Variants in SAMD4B observed in about 807,000 individuals in gnomAD.
SAMD4B encodes sterile alpha motif domain containing 4B.
In SAMD4B, 5 loss-of-function variants were observed where a neutral mutation model predicts 74.5. That is an observed-to-expected ratio of 0.07 (90% CI 0.04 to 0.14). SAMD4B has a LOEUF of 0.14. Ranked by LOEUF, SAMD4B falls within the 10% of genes least tolerant of loss-of-function variation. The pLI, the probability that SAMD4B is intolerant of heterozygous loss-of-function variation, is 1.00. For missense variants in SAMD4B, 608 were observed against 921.8 expected, an observed-to-expected ratio of 0.66 and a Z score of 4.41; for synonymous variants, 373 against 374.9, an observed-to-expected ratio of 1.00 and a Z score of 0.06.
intron 3 of SAMD4B, among the ~76,000 whole-genome samples, chr19:39,367,937 G>A (rs1374704993): frequency 1.3e-5 from 2 of 151,798 alleles, no homozygotes; most frequent in African/African-American, 4.8e-5. Context: ...ACCTGAGGCC[G>A]GGCGCAGTGG....
intron 12 of SAMD4B, 51 bp downstream of exon 12, chr19:39,381,164 C>CT: frequency 6.5e-7 from 1 of 1,528,542 alleles, no homozygotes; most frequent in Non-Finnish European, 8.8e-7. Flanking sequence ...CTCAGCTGAC[C>CT]TTTCTTTTTT....
At chr19:39,376,949 AAAAGG>A (rs2077635126) in intron 7 of SAMD4B, among the ~76,000 whole-genome samples, 158 bp downstream of exon 7, 3 of 152,210 alleles carry the variant, frequency 2.0e-5, no homozygotes, top group Non-Finnish European at 4.4e-5. Context: ...AGCCGGCATC[AAAAGG>A]CTCACTTGCT....
intron 1 of SAMD4B, among the ~76,000 whole-genome samples, chr19:39,353,182 G>GT (rs2076149858): frequency 6.6e-6 from 1 of 152,300 alleles, no homozygotes; most frequent in African/African-American, 2.4e-5. Flanking sequence ...TTTTAGGCGC[G>GT]TGAGCTACCA....
In SAMD4B at chr19:39,381,202, C is replaced by T. The variant is rs1600590520; in HGVS notation, c.1972+89C>T. 1.2e-5 allele frequency: 18 copies of T among 1,450,338 alleles called. No homozygotes were observed. In the East Asian group the frequency reaches 4.2e-4, roughly 34 times the overall value. 89.8% of individuals were successfully genotyped at this position (1,450,338 alleles called of 1,614,324 possible). A position where few individuals can be genotyped will look rare whatever the true frequency, so the allele number is the denominator to read the frequency against. On this transcript the variant is annotated intron_variant, in intron 12 of 13. Transcript: ENST00000610417. ...CCTGGGTCTCATGTCCACTGTTCTT[C>T]TAGACTGCATTGGCACCTCTCCCCA...
At chr19:39,342,671 CCT>C (rs1488553682) in intron 1 of SAMD4B, 95 bp downstream of exon 1, 2 of 148,450 alleles carry the variant, frequency 1.3e-5, no homozygotes, top group Admixed American at 1.3e-4. Flanking sequence ...GGCCCCGCCC[CCT>C]CAGGGACCCC....
At chr19:39,379,846 C>A in intron 9 of SAMD4B, 120 bp from the exon 10 acceptor site, 1 of 806,554 alleles carries the variant, frequency 1.2e-6, no homozygotes, top group Non-Finnish European at 2.0e-6. Flanking sequence ...GCTGGGATTA[C>A]AGCTTGAGCC....
downstream of SAMD4B, chr19:39,389,570 G>A: frequency 3.1e-6 from 5 of 1,614,158 alleles, no homozygotes; most frequent in Non-Finnish European, 3.4e-6. The surrounding 1 kb of genome is among the most constrained non-coding windows in gnomAD (Gnocchi z 5.3). Context: ...GGGGGCAGGA[G>A]GACCATGAGG....
At position 39,384,767 on chromosome 19, in the gene SAMD4B, G is replaced by C. The variant is rs911697207; in HGVS notation, c.*1240G>C. The C allele has an allele frequency of 6.6e-6, 1 of 152,242 alleles. No homozygotes were observed. The highest frequency in any genetic ancestry group is 1.5e-5 in the Non-Finnish European group (1 of 67,988). The allele number at this position is 152,242 out of a possible 1,614,324, so 9.4% of individuals were successfully genotyped here. Reference sequence around the variant, plus strand: ...CCCCCTCAACCCACCTTCCCAACTGGGACATTCTCAAGCTTTTCACACCGA... The same window carrying C: ...CCCCCTCAACCCACCTTCCCAACTGCGACATTCTCAAGCTTTTCACACCGA... On this transcript the variant is annotated 3_prime_UTR_variant, in exon 14 of 14. Transcript: ENST00000610417.
chr19:39,347,879 T>G (rs905939780), intron 1 of SAMD4B, among the ~76,000 whole-genome samples: 5 of 152,186 alleles, frequency 3.3e-5, no homozygotes, highest in Non-Finnish European at 7.3e-5. Flanking sequence ...GACAGAGCAG[T>G]GAATAAAACA....
At chr19:39,385,705 G>A, downstream of SAMD4B, 1 of 520,886 alleles carries the variant, frequency 1.9e-6, no homozygotes. Flanking sequence ...AACGAATTCT[G>A]ACCTTCGTTG....
At chr19:39,349,453 G>T (rs967614028) in intron 1 of SAMD4B, among the ~76,000 whole-genome samples, 6 of 152,156 alleles carry the variant, frequency 3.9e-5, no homozygotes, top group African/African-American at 1.4e-4. Flanking sequence ...AGGAGGCCCT[G>T]CCTGGCTTCT....
intron 3 of SAMD4B, among the ~76,000 whole-genome samples, chr19:39,367,198 C>T (rs1351219580): frequency 6.6e-6 from 1 of 152,206 alleles, no homozygotes; most frequent in African/African-American, 2.4e-5. Context: ...TATTCCTTTT[C>T]ATCACCCACT....
Position 39,375,699 on chromosome 19 carries a change from C to A in SAMD4B, c.717C>A (p.Leu239=). ...GCCCACTGAAGCGCTCCATGTCACT[C>A]ATCCCTACAAGCCCCCAGGTCCCTG... The part of the protein sequence containing the change: ...HPSPLKRSMS[L]IPTSPQVPGE... Residue 239 remains leucine (L), a synonymous_variant, in exon 5 of 14, where the codon CTC becomes CTA. Transcript: ENST00000610417. The surrounding 1 kb of genome is among the most constrained non-coding windows in gnomAD (Gnocchi z 4.1). 1 of 1,613,918 alleles carries A rather than the reference C, an allele frequency of 6.2e-7. No homozygotes were observed. Among genetic ancestry groups the A allele is most frequent in the Non-Finnish European group, 8.5e-7 (1 of 1,179,820 alleles).
chr19:39,366,846 A>C (rs983524734), intron 3 of SAMD4B, among the ~76,000 whole-genome samples: 1 of 152,110 alleles, frequency 6.6e-6, no homozygotes, highest in African/African-American at 2.4e-5. Flanking sequence ...AGACCCTCAG[A>C]TGTCTAGGTT....
chr19:39,355,610 C>T (rs1240599345), intron 2 of SAMD4B, among the ~76,000 whole-genome samples: 1 of 152,154 alleles, frequency 6.6e-6, no homozygotes, highest in Non-Finnish European at 1.5e-5. Context: ...GCAAGAGAGA[C>T]AGATGGAAGA....
chr19:39,386,501 C>A, downstream of SAMD4B: 1 of 1,614,168 alleles, frequency 6.2e-7, no homozygotes, highest in Non-Finnish European at 8.5e-7. This position sits in a 1 kb window ranked among gnomAD's most constrained non-coding sequence, Gnocchi z 6.1. Context: ...CAGCTTCTTT[C>A]TCTTCTGTCT....
intron 1 of SAMD4B, among the ~76,000 whole-genome samples, chr19:39,343,306 C>T (rs1418675105): frequency 1.3e-5 from 2 of 151,314 alleles, no homozygotes; most frequent in African/African-American, 2.4e-5. Context: ...GCTCATACCC[C>T]CTGCATTTCT....
chr19:39,381,429 A>G (rs2077978944), intron 12 of SAMD4B: 1 of 238,004 alleles, frequency 4.2e-6, no homozygotes, highest in Non-Finnish European at 8.2e-6. Flanking sequence ...CTTTCTTTAC[A>G]GGATCATTGA....
At position 39,356,936 on chromosome 19, in the gene SAMD4B, A is replaced by G; in HGVS notation, c.43A>G (p.Lys15Glu). 6.2e-7 allele frequency: 1 copy of G among 1,613,636 alleles called. No homozygotes were observed. Among genetic ancestry groups the G allele is most frequent in the Non-Finnish European group, 8.5e-7 (1 of 1,179,802 alleles). The change falls in exon 3 of 14, where the codon AAA becomes GAA. Residue 15 changes from lysine (K) to glutamate (E), a missense_variant. By Grantham distance (56) the Lys-to-Glu change is moderately conservative. Coordinates refer to ENST00000610417, the MANE Select transcript of SAMD4B (RefSeq NM_001384574.2). ...GGTGGGCATCCTCGCTGGCTGGTTCAAAGGCTGGAATGAGTGTGAGCAGAC... is the reference window on the plus strand; with the variant it reads ...GGTGGGCATCCTCGCTGGCTGGTTCGAAGGCTGGAATGAGTGTGAGCAGAC... ...DQVGILAGWF[K>E]GWNECEQTVA...
Sources: gnomAD v4.1 joint callset for allele counts (sites outside exome capture counted in the v4.1 genomes callset) on GRCh38, gnomAD v4.1.1 for gene constraint, Gnocchi (gnomAD v3.1) non-coding constraint, MANE v1.5 for transcripts, NCBI Gene and HGNC (gene_info 2026-07-23, HGNC 2026-07-21) for gene names.